Variants in NPAS3 observed in about 807,000 individuals in gnomAD.
NPAS3 encodes the protein neuronal PAS domain-containing protein 3.
In NPAS3, 14 loss-of-function variants were observed where a neutral mutation model predicts 73.1. That is an observed-to-expected ratio of 0.19 (90% CI 0.13 to 0.30). The LOEUF is 0.30. Among genes scored for constraint, NPAS3 ranks in the 10% least tolerant of loss-of-function variants. The pLI is 1.00. For synonymous variants in NPAS3, 620 were observed against 541.5 expected (o/e 1.14, Z -2.01); for missense variants, 1,096 against 1,250.0 (o/e 0.88, Z 1.86).
intron 5 of NPAS3, among the ~76,000 whole-genome samples, chr14:33,647,101 A>G (rs1047021677): frequency 3.3e-5 from 5 of 152,184 alleles, no homozygotes; most frequent in African/African-American, 7.2e-5. Context: ...CATGGAAGCA[A>G]TGTTTATGTC....
rs755845622 is a variant in NPAS3 at position 33,800,638 on chromosome 14, C to T, written c.2331C>T (p.Gly777=). 7 of 1,438,340 alleles carry T rather than the reference C, an allele frequency of 4.9e-6. No individual in the cohort carries two copies. In the South Asian group the frequency reaches 7.3e-5, roughly 15 times the overall value. The allele number at this position is 1,438,340 out of a possible 1,614,324, so 89.1% of individuals were successfully genotyped here. ...GGGGCGGCGGCGCGGGGGGCGGCGG[C>T]CCCAGCGCGTCCAACTCCTTGCTGT... The change falls in exon 12 of 12, where the codon GGC becomes GGT. Residue 777 remains glycine (G), a synonymous_variant. Transcript: ENST00000356141. This position sits in a 1 kb window ranked among gnomAD's most constrained non-coding sequence, Gnocchi z 6.5.
intron 5 of NPAS3, among the ~76,000 whole-genome samples, chr14:33,647,906 T>C (rs2058880246): frequency 6.6e-6 from 1 of 152,178 alleles, no homozygotes; most frequent in Non-Finnish European, 1.5e-5. Context: ...GCCCATTGTA[T>C]AGAACATCTT....
intron 3 of NPAS3, among the ~76,000 whole-genome samples, chr14:33,325,729 C>G (rs1213745353): frequency 6.9e-6 from 1 of 144,992 alleles, no homozygotes; most frequent in Admixed American, 6.8e-5. Flanking sequence ...TTCATTCTAT[C>G]TGGGTTTTTT....
At chr14:33,390,000 A>G (rs898509533) in intron 4 of NPAS3, among the ~76,000 whole-genome samples, 3 of 151,706 alleles carry the variant, frequency 2.0e-5, no homozygotes, top group African/African-American at 7.3e-5. Context: ...TGTTCCATGG[A>G]AAGAATTTTA....
chr14:33,746,682 A>G (rs1487886675), intron 7 of NPAS3, among the ~76,000 whole-genome samples: 1 of 152,118 alleles, frequency 6.6e-6, no homozygotes, highest in Non-Finnish European at 1.5e-5. Flanking sequence ...GAAATTACCG[A>G]GAATTAGAAA....
intron 3 of NPAS3, among the ~76,000 whole-genome samples, chr14:33,365,168 C>T (rs1220724172): frequency 1.4e-5 from 2 of 142,010 alleles, no homozygotes; most frequent in African/African-American, 5.3e-5. Context: ...TCCCCCGCTT[C>T]TCCCTCCCAA....
intron 1 of NPAS3, among the ~76,000 whole-genome samples, chr14:33,051,814 C>T (rs1185574987): frequency 6.6e-6 from 1 of 152,168 alleles, no homozygotes. Flanking sequence ...GCCTGGAGTG[C>T]AGTGGTGCGA....
At chr14:33,222,876 G>A (rs1023259523) in intron 3 of NPAS3, among the ~76,000 whole-genome samples, 1 of 152,172 alleles carries the variant, frequency 6.6e-6, no homozygotes, top group Non-Finnish European at 1.5e-5. Flanking sequence ...GAGGGAGAAT[G>A]ATGGGAATAA....
chr14:33,645,291 C>A lies in NPAS3; in HGVS notation c.559-30920C>A, dbSNP rs114873011. ...AGGTTCCTGGTTCCACTCTTGACTA[C>A]TAAATGATATCCTCTGGGGGTGGGA... On this transcript the variant is annotated intron_variant, in intron 5 of 11. Transcript: ENST00000356141. Among the ~76,000 whole-genome samples the A allele has an allele frequency of 5.7e-3, 866 of 152,220 alleles. 8 individuals carry two copies. Among genetic ancestry groups the A allele is most frequent in the African/African-American group, 0.02 (817 of 41,510 alleles).
rs181439803 is a variant in NPAS3, at chr14:33,496,560, A to G, written c.469-63561A>G. 9.4e-4 allele frequency among the ~76,000 whole-genome samples: 143 copies of G among 152,312 alleles called. 3 individuals carry two copies. Among genetic ancestry groups the G allele is most frequent in the Middle Eastern group, 3.4e-3 (1 of 294 alleles). ...GCTGGTTCAACATACTCAAATAAAT[A>G]AACGTAATCCATCACATAAACATAA... On this transcript the variant is annotated intron_variant, in intron 4 of 11. Transcript: ENST00000356141.
intron 2 of NPAS3, among the ~76,000 whole-genome samples, chr14:33,091,520 T>C (rs2042223635): frequency 6.6e-6 from 1 of 152,056 alleles, no homozygotes; most frequent in South Asian, 2.1e-4. Context: ...CCAAAAAATG[T>C]CCAGGACCAG....
intron 3 of NPAS3, among the ~76,000 whole-genome samples, chr14:33,299,700 A>G (rs750900614): frequency 6.6e-6 from 1 of 152,216 alleles, no homozygotes; most frequent in Non-Finnish European, 1.5e-5. Flanking sequence ...GTTTGATGCT[A>G]CAAAGGAATA....
rs145506739 is a variant in NPAS3, at chr14:33,403,178, G to A, written c.468+35910G>A. Reference sequence around the variant, plus strand: ...TGTAACCCTATTTTTATTAAGAGATGTTTCCAAAGCCACAAAGTTTTGAAA... The same window carrying A: ...TGTAACCCTATTTTTATTAAGAGATATTTCCAAAGCCACAAAGTTTTGAAA... On this transcript the variant is annotated intron_variant, in intron 4 of 11. Coordinates refer to ENST00000356141, the Ensembl canonical transcript of NPAS3. Among the ~76,000 whole-genome samples, 3 of 152,122 alleles carry A rather than the reference G, an allele frequency of 2.0e-5. No individual in the cohort carries two copies. The East Asian group carries it at 5.8e-4, about 29-fold the overall frequency.
chr14:33,800,160 C>G lies in NPAS3; in HGVS notation c.1853C>G (p.Ser618Cys). 1.2e-6 allele frequency: 2 copies of G among 1,603,838 alleles called. No individual in the cohort carries two copies. Among genetic ancestry groups the G allele is most frequent in the Non-Finnish European group, 1.7e-6 (2 of 1,176,080 alleles). ...GGCAGCGCCAGCCGCCGGCGCCTGT[C>G]CAGCGCGTCGAGCCCAGGCGGCCTG... Residue 618 changes from serine to cysteine, a missense_variant, in exon 12 of 12, where the codon TCC (serine) becomes TGC (cysteine). Ser to Cys is a moderately radical substitution (Grantham distance 112, BLOSUM62 -1). This residue lies in a region of NPAS3 where 698 missense variants were observed against 676.7 expected (regional missense o/e 1.03). Transcript: ENST00000356141. The surrounding 1 kb of genome is among the most constrained non-coding windows in gnomAD (Gnocchi z 6.5).
At chr14:33,523,394 G>T (rs1284155921) in intron 4 of NPAS3, among the ~76,000 whole-genome samples, 2 of 150,620 alleles carry the variant, frequency 1.3e-5, no homozygotes, top group African/African-American at 4.9e-5. Context: ...CAAGGTTGCA[G>T]TGAGCTGAGA....
rs544985657 is a variant in NPAS3, at chr14:33,247,717, ATTTGT to A, written c.385+32295_385+32299del. ...TTAACTTCAAACATAACCTTCCATA[ATTTGT>A]TTTAAGAAGTCCTCATGTCGAAAAG... On this transcript the variant is annotated intron_variant, in intron 3 of 11. Coordinates refer to ENST00000356141, the Ensembl canonical transcript of NPAS3. Among the ~76,000 whole-genome samples, 1,137 of 152,304 alleles carry A rather than the reference ATTTGT, an allele frequency of 7.5e-3. 6 individuals are homozygous for A. Among genetic ancestry groups the A allele is most frequent in the Non-Finnish European group, 0.011 (753 of 68,024 alleles).
At chr14:33,365,170 C>A in intron 3 of NPAS3, among the ~76,000 whole-genome samples, 1 of 140,128 alleles carries the variant, frequency 7.1e-6, no homozygotes, top group Non-Finnish European at 1.5e-5. Context: ...CCCCGCTTCT[C>A]CCTCCCAAAA....
intron 1 of NPAS3, among the ~76,000 whole-genome samples, chr14:33,002,566 TA>T (rs1179017704): frequency 1.3e-5 from 2 of 152,162 alleles, no homozygotes; most frequent in Non-Finnish European, 2.9e-5. Context: ...CCTACAGAAT[TA>T]GAGAAGGTGG....
At chr14:33,221,372 A>G (rs1341696222) in intron 3 of NPAS3, among the ~76,000 whole-genome samples, 5 of 152,200 alleles carry the variant, frequency 3.3e-5, no homozygotes, top group African/African-American at 1.2e-4. Flanking sequence ...GGCCAATTTC[A>G]CAGATAGAAG....
Sources: allele counts gnomAD v4.1 joint callset (sites outside exome capture counted in the v4.1 genomes callset), GRCh38; gene constraint gnomAD v4.1.1; regional missense constraint gnomAD v4.1.1; non-coding constraint Gnocchi (gnomAD v3.1); transcripts MANE v1.5; gene names NCBI Gene and HGNC (gene_info 2026-07-23, HGNC 2026-07-21).